Variants in VEPH1 observed in about 807,000 individuals in gnomAD.
VEPH1 encodes the protein ventricular zone expressed PH domain containing 1, also known as ventricular zone-expressed PH domain-containing protein homolog 1.
VEPH1 carries 80 observed loss-of-function variants against 85.2 expected under a neutral mutation model. That is an observed-to-expected ratio of 0.94 (90% CI 0.78 to 1.13). VEPH1 has a LOEUF of 1.13. Among genes scored for constraint, VEPH1 ranks in the 50% most tolerant of loss-of-function variants. The pLI, the probability that VEPH1 is intolerant of heterozygous loss-of-function variation, is 0.00. For synonymous variants in VEPH1, 297 were observed against 348.0 expected, an observed-to-expected ratio of 0.85 and a Z score of 1.63; for missense variants, 955 against 980.5, an observed-to-expected ratio of 0.97 and a Z score of 0.35.
intron 4 of VEPH1, among the ~76,000 whole-genome samples, chr3:157,450,770 C>A (rs184277874): frequency 6.6e-5 from 10 of 152,002 alleles, no homozygotes; most frequent in Non-Finnish European, 1.3e-4. Context: ...GGAATTATAT[C>A]GAATATTAAG....
rs1165964754 is a variant in VEPH1 at position 157,261,399 on chromosome 3, G to C, written c.2266-29C>G. ...AAAGGCATGGGAAGAAAAGAACATG[G>C]GCTGGCTGTTACTGTAGGCAAGGAT... On this transcript the variant is annotated intron_variant, in intron 13 of 13. Coordinates refer to ENST00000362010, the MANE Select transcript of VEPH1 (RefSeq NM_001167912.2). 5.6e-6 allele frequency: 9 copies of C among 1,609,822 alleles called. No homozygotes were observed. The African/African-American group carries it at 9.4e-5, about 17-fold the overall frequency.
intron 9 of VEPH1, among the ~76,000 whole-genome samples, chr3:157,355,126 A>G (rs1725286799): frequency 7.2e-5 from 11 of 152,168 alleles, no homozygotes; most frequent in Admixed American, 7.2e-4. Context: ...CAGGGAAGCT[A>G]CTTTGACCCC....
intron 12 of VEPH1, among the ~76,000 whole-genome samples, chr3:157,273,500 A>C (rs1714978515): frequency 6.6e-6 from 1 of 152,226 alleles, no homozygotes; most frequent in Non-Finnish European, 1.5e-5. Context: ...TGCAGCTATG[A>C]AGGCAAAGGA....
At chr3:157,302,490 A>G (rs1718916963) in intron 11 of VEPH1, among the ~76,000 whole-genome samples, 1 of 152,298 alleles carries the variant, frequency 6.6e-6, no homozygotes, top group Middle Eastern at 3.4e-3. Context: ...TGCCTTATTA[A>G]AGAAGCCCAG....
At chr3:157,268,339 G>T (rs1372486791) in intron 12 of VEPH1, among the ~76,000 whole-genome samples, 2 of 152,112 alleles carry the variant, frequency 1.3e-5, no homozygotes, top group Admixed American at 1.3e-4. Flanking sequence ...AGTCACAAAG[G>T]GTGCAGCAGA....
intron 4 of VEPH1, among the ~76,000 whole-genome samples, chr3:157,448,043 C>T (rs947760363): frequency 3.3e-5 from 5 of 151,782 alleles, no homozygotes; most frequent in African/African-American, 4.8e-5. Context: ...TTGTACAAAA[C>T]ATAGATATTT....
intron 11 of VEPH1, among the ~76,000 whole-genome samples, chr3:157,304,122 AC>A (rs1719211601): frequency 1.3e-5 from 2 of 150,858 alleles, no homozygotes; most frequent in South Asian, 4.2e-4. Context: ...GCACATTAAC[AC>A]TTTAACCCAA....
intron 4 of VEPH1, among the ~76,000 whole-genome samples, chr3:157,452,730 T>C (rs79966356): frequency 0.012 from 1,898 of 152,332 alleles, 45 homozygotes; most frequent in African/African-American, 0.04. Context: ...GGTGCTAAGA[T>C]TACACTGTGA....
Position 157,286,663 on chromosome 3 carries a change from C to G in VEPH1, c.2022G>C (p.Gln674His). The change falls in exon 12 of 14, where the codon CAG (glutamine) becomes CAC (histidine). Residue 674 changes from glutamine (Q) to histidine (H), a missense_variant. Transcript: ENST00000362010. ...STFPQQKDLD[Q>H]VQLHLEEVRF... ...TCACTTCTTCCAGATGGAGCTGTAC[C>G]TGGTCCAGATCCTGTGTCAGGAACA... is the stretch of plus-strand genomic sequence containing the variant. 6.2e-7 allele frequency: 1 copy of G among 1,613,952 alleles called. No homozygotes were observed. Among genetic ancestry groups the G allele is most frequent in the African/African-American group, 1.3e-5 (1 of 75,026 alleles).
intron 11 of VEPH1, among the ~76,000 whole-genome samples, chr3:157,292,983 CAAAAAAAAAA>C (rs11349713): frequency 9.1e-6 from 1 of 110,082 alleles, no homozygotes; most frequent in African/African-American, 3.5e-5. Context: ...AACTCCACCT[CAAAAAAAAAA>C]AAAAAAGAAA....
chr3:157,442,394 G>A, intron 4 of VEPH1: 1 of 1,612,514 alleles, frequency 6.2e-7, no homozygotes. Context: ...TATTCCCAAT[G>A]CGTTCCAAGA....
At chr3:157,273,557 C>G (rs1714987528) in intron 12 of VEPH1, among the ~76,000 whole-genome samples, 1 of 152,066 alleles carries the variant, frequency 6.6e-6, no homozygotes, top group Non-Finnish European at 1.5e-5. Flanking sequence ...AATAAAAGTT[C>G]ATAGCAAAGG....
At chr3:157,470,005 A>G (rs996650986) in intron 3 of VEPH1, among the ~76,000 whole-genome samples, 1 of 152,116 alleles carries the variant, frequency 6.6e-6, no homozygotes, top group Non-Finnish European at 1.5e-5. Context: ...TGAATTTTTT[A>G]GTACTCCTCC....
chr3:157,269,416 T>A (rs542462007), intron 12 of VEPH1, among the ~76,000 whole-genome samples: 186 of 151,946 alleles, frequency 1.2e-3, no homozygotes, highest in African/African-American at 4.3e-3. Context: ...GGGAAAAAAA[T>A]CAATGAAAAT....
intron 2 of VEPH1, among the ~76,000 whole-genome samples, chr3:157,486,015 A>C (rs1738599597): frequency 6.6e-6 from 1 of 152,218 alleles, no homozygotes; most frequent in South Asian, 2.1e-4. Flanking sequence ...TATAATGGAA[A>C]ATGTAAAACA....
At chr3:157,292,808 CTA>C (rs1491281012) in intron 11 of VEPH1, among the ~76,000 whole-genome samples, 2 of 66,734 alleles carry the variant, frequency 3.0e-5, no homozygotes, top group Non-Finnish European at 5.2e-5. Context: ...CCCCTCTCTA[CTA>C]AAAAAAAAAA....
At chr3:157,408,761 G>A (rs77169352) in intron 6 of VEPH1, among the ~76,000 whole-genome samples, 1 of 152,042 alleles carries the variant, frequency 6.6e-6, no homozygotes, top group Non-Finnish European at 1.5e-5. Context: ...AGGAGAAGAG[G>A]GTAAAAGCTA....
At chr3:157,427,531 C>T (rs1294044444) in intron 5 of VEPH1, among the ~76,000 whole-genome samples, 1 of 152,216 alleles carries the variant, frequency 6.6e-6, no homozygotes, top group Non-Finnish European at 1.5e-5. Context: ...TTTTGGCTCA[C>T]TGTAGCCTCA....
At chr3:157,461,338 AC>A (rs1407490631) in intron 3 of VEPH1, among the ~76,000 whole-genome samples, 1 of 152,038 alleles carries the variant, frequency 6.6e-6, no homozygotes, top group Non-Finnish European at 1.5e-5. Context: ...CTGGCCATCA[AC>A]CCCACCTCTC....
Sources: allele counts gnomAD v4.1 joint callset (sites outside exome capture counted in the v4.1 genomes callset), GRCh38; gene constraint gnomAD v4.1.1; transcripts MANE v1.5; gene names NCBI Gene and HGNC (gene_info 2026-07-23, HGNC 2026-07-21).